Variants in RECK observed in about 807,000 individuals in gnomAD.
RECK encodes reversion-inducing cysteine-rich protein with Kazal motifs.
A neutral mutation model predicts 115.1 loss-of-function variants in RECK; 69 were observed. The observed-to-expected ratio is 0.60, with a 90% CI of 0.49 to 0.73. The LOEUF is 0.73. Ranked by LOEUF, RECK falls within the 30% of genes least tolerant of loss-of-function variation. The pLI, the probability that RECK is intolerant of heterozygous loss-of-function variation, is 0.00. For synonymous variants in RECK, 414 were observed against 419.7 expected (o/e 0.99, Z 0.17); for missense variants, 1,047 against 1,203.7 (o/e 0.87, Z 1.93).
intron 10 of RECK, among the ~76,000 whole-genome samples, chr9:36,092,532 C>A (rs1231349168): frequency 6.8e-6 from 1 of 146,840 alleles, no homozygotes; most frequent in Non-Finnish European, 1.5e-5. Context: ...CCTGCCACCA[C>A]ACCCAGCTAA....
At chr9:36,107,600 G>A (rs1369550817) in intron 13 of RECK, among the ~76,000 whole-genome samples, 10 of 126,364 alleles carry the variant, frequency 7.9e-5, no homozygotes, top group South Asian at 4.9e-4. Context: ...GCAAGACTCC[G>A]TCTCAAAAAA....
At chr9:36,101,247 A>G (rs1023452394) in intron 11 of RECK, among the ~76,000 whole-genome samples, 1 of 152,154 alleles carries the variant, frequency 6.6e-6, no homozygotes, top group African/African-American at 2.4e-5. Flanking sequence ...CACTGCGCCC[A>G]GCCGACTTTG....
intron 5 of RECK, among the ~76,000 whole-genome samples, chr9:36,065,112 T>G (rs1012470460): frequency 6.6e-6 from 1 of 151,442 alleles, no homozygotes; most frequent in African/African-American, 2.4e-5. Flanking sequence ...CCCCCTCCGT[T>G]ATATACTCAG....
At chr9:36,099,323 C>A (rs1414832397) in intron 10 of RECK, among the ~76,000 whole-genome samples, 1 of 152,206 alleles carries the variant, frequency 6.6e-6, no homozygotes, top group East Asian at 1.9e-4. Context: ...AGATTGAATG[C>A]AGAAGCAGAT....
In RECK at chr9:36,083,439, G is replaced by A; in HGVS notation, c.514G>A (p.Asp172Asn). 6.2e-7 allele frequency: 1 copy of A among 1,614,004 alleles called. No homozygotes were observed. The highest frequency in any genetic ancestry group is 8.5e-7 in the Non-Finnish European group (1 of 1,179,966). The change falls in exon 8 of 21, where the codon GAC becomes AAC. Residue 172 changes from aspartate to asparagine, a missense_variant. By Grantham distance (23) the Asp-to-Asn change is conservative. Transcript: ENST00000377966. ...ATACTGTCAAGCCATTTTTCGAACA[G>A]ACTCTTCTCCTGGTCCATCTCAGAT... is the stretch of plus-strand genomic sequence containing the variant. ...REYCQAIFRTDSSPGPSQIKA... is the reference protein window; with the variant it reads ...REYCQAIFRTNSSPGPSQIKA...
chr9:36,100,819 A>G (rs529490841), intron 11 of RECK, among the ~76,000 whole-genome samples: 3 of 152,192 alleles, frequency 2.0e-5, no homozygotes, highest in African/African-American at 7.2e-5. Context: ...ACAGATTCCT[A>G]TAGACCTTTA....
intron 6 of RECK, among the ~76,000 whole-genome samples, chr9:36,078,286 C>T (rs1466416083): frequency 1.3e-5 from 2 of 152,240 alleles, no homozygotes; most frequent in Non-Finnish European, 2.9e-5. Flanking sequence ...TCACATTTCG[C>T]AGGTTTTATC....
At chr9:36,074,981 C>G (rs1160369615) in intron 6 of RECK, among the ~76,000 whole-genome samples, 1 of 152,236 alleles carries the variant, frequency 6.6e-6, no homozygotes, top group Non-Finnish European at 1.5e-5. Context: ...CTGGGGCTGC[C>G]TGCTTTAGGA....
intron 1 of RECK, among the ~76,000 whole-genome samples, chr9:36,045,869 A>ATTAT (rs1821055149): frequency 2.0e-5 from 3 of 152,082 alleles, no homozygotes; most frequent in African/African-American, 7.2e-5. Flanking sequence ...CTGAAACTCG[A>ATTAT]TGTTTCTAAT....
chr9:36,074,873 C>T lies in RECK; in HGVS notation c.406-5732C>T, dbSNP rs560107203. Among the ~76,000 whole-genome samples the T allele has an allele frequency of 9.2e-5, 14 of 152,334 alleles. No individual in the cohort carries two copies. In the South Asian group the frequency reaches 2.9e-3, roughly 32 times the overall value. ...AAAACAGTAACAATTTATTATTTCTCACAAATCTAAGGGCTTACTAGGCAG... is the reference window on the plus strand; with the variant it reads ...AAAACAGTAACAATTTATTATTTCTTACAAATCTAAGGGCTTACTAGGCAG... On this transcript the variant is annotated intron_variant, in intron 6 of 20. Transcript: ENST00000377966.
intron 8 of RECK, 44 bp from the exon 9 acceptor site, chr9:36,087,650 C>A (rs1554707266): frequency 6.3e-7 from 1 of 1,577,224 alleles, no homozygotes; most frequent in Non-Finnish European, 8.6e-7. Flanking sequence ...TAAAAACAAA[C>A]AAAAAAAACA....
Position 36,065,642 on chromosome 9 carries a change from C to A in RECK, c.405+18C>A. 6.5e-7 allele frequency: 1 copy of A among 1,546,220 alleles called. No homozygotes were observed. Among genetic ancestry groups the A allele is most frequent in the Non-Finnish European group, 8.7e-7 (1 of 1,146,948 alleles). Reference sequence around the variant, plus strand: ...AATATGAGGTATGCATTTTATTTAACAAATGTGGATAGCCTATTCAGATGT... The same window carrying A: ...AATATGAGGTATGCATTTTATTTAAAAAATGTGGATAGCCTATTCAGATGT... On this transcript the variant is annotated intron_variant, in intron 6 of 20. Transcript: ENST00000377966.
chr9:36,068,391 C>A (rs1822096161), intron 6 of RECK, among the ~76,000 whole-genome samples: 1 of 152,172 alleles, frequency 6.6e-6, no homozygotes. Context: ...TCCTGGCATT[C>A]ATTTACTATT....
chr9:36,067,442 A>C (rs143725825), intron 6 of RECK, among the ~76,000 whole-genome samples: 4 of 152,178 alleles, frequency 2.6e-5, no homozygotes, highest in African/African-American at 9.6e-5. Context: ...CATTTGGAGG[A>C]GCTAATGTTT....
chr9:36,106,308 C>G (rs137923682), intron 13 of RECK, among the ~76,000 whole-genome samples: 26 of 150,690 alleles, frequency 1.7e-4, no homozygotes, highest in African/African-American at 6.1e-4. Context: ...TATCTTGGCT[C>G]ACTGCAACCT....
rs776065137 is a variant in RECK, at chr9:36,105,206, C to T, written c.1499C>T (p.Pro500Leu). Residue 500 changes from proline to leucine, a missense_variant, in exon 13 of 21, where the codon CCT becomes CTT. Physicochemically the swap from Pro to Leu is moderately conservative, Grantham distance 98. Coordinates refer to ENST00000377966, the MANE Select transcript of RECK (RefSeq NM_021111.3). The part of the protein sequence containing the change: ...VTHPCNPNPC[P>L]ANELCEVNRK... Reference sequence around the variant, plus strand: ...CATCCCTGTAACCCAAATCCTTGCCCTGCCAATGAGCTCTGTGAAGTAAAC... The same window carrying T: ...CATCCCTGTAACCCAAATCCTTGCCTTGCCAATGAGCTCTGTGAAGTAAAC... 22 of 1,613,956 alleles carry T rather than the reference C, an allele frequency of 1.4e-5. No individual in the cohort carries two copies. Among genetic ancestry groups the T allele is most frequent in the African/African-American group, 2.7e-5 (2 of 74,924 alleles).
At chr9:36,093,758 C>T (rs989483071) in intron 10 of RECK, among the ~76,000 whole-genome samples, 4 of 152,120 alleles carry the variant, frequency 2.6e-5, no homozygotes, top group South Asian at 2.1e-4. Flanking sequence ...CCTTAGTAAA[C>T]GCTAAGTCAG....
intron 4 of RECK, among the ~76,000 whole-genome samples, chr9:36,062,552 A>G (rs1821818362): frequency 6.6e-6 from 1 of 151,954 alleles, no homozygotes; most frequent in South Asian, 2.1e-4. Context: ...GTCTCGGCCC[A>G]CTGCAGCCTC....
chr9:36,066,778 C>T (rs905445874), intron 6 of RECK: 50 of 1,287,026 alleles, frequency 3.9e-5, no homozygotes, highest in Middle Eastern at 2.1e-4. Context: ...GCCTGTCCTC[C>T]GTTATTTTAG....
Sources: gnomAD v4.1 joint callset for allele counts (sites outside exome capture counted in the v4.1 genomes callset) on GRCh38, gnomAD v4.1.1 for gene constraint, MANE v1.5 for transcripts, NCBI Gene and HGNC (gene_info 2026-07-23, HGNC 2026-07-21) for gene names.